The following MROH2A variants were observed in gnomAD, a reference collection of about 807,000 sequenced individuals.
MROH2A encodes the protein maestro heat-like repeat-containing protein family member 2A.
In MROH2A, 174 loss-of-function variants were observed where a neutral mutation model predicts 200.4. The ratio of observed to expected loss-of-function variants is 0.87; its 90% confidence interval spans 0.77 to 0.98. The LOEUF is 0.98. Among genes scored for constraint, MROH2A ranks in the 50% least tolerant of loss-of-function variants. The pLI is 0.00. For missense variants in MROH2A, 2,045 were observed against 2,139.6 expected (o/e 0.96, Z 0.87); for synonymous variants, 829 against 840.4 (o/e 0.99, Z 0.23).
intron 15 of MROH2A, among the ~76,000 whole-genome samples, chr2:233,802,788 C>T (rs1702552202): frequency 1.3e-5 from 2 of 152,228 alleles, no homozygotes; most frequent in Non-Finnish European, 1.5e-5. Flanking sequence ...TGTCCCCTTC[C>T]CTCCAACTCT....
intron 5 of MROH2A, among the ~76,000 whole-genome samples, chr2:233,790,504 C>T (rs1476374658): frequency 2.4e-5 from 1 of 42,272 alleles, no homozygotes; most frequent in Non-Finnish European, 4.1e-5. Flanking sequence ...TCCTTCCTTT[C>T]CTTTTTAATT....
At chr2:233,804,319 G>A (rs1396023826) in intron 17 of MROH2A, 127 bp downstream of exon 17, 1 of 1,426,678 alleles carries the variant, frequency 7.0e-7, no homozygotes, top group East Asian at 2.5e-5. Flanking sequence ...GCCCACTTTT[G>A]TCCTGAGAAC....
chr2:233,798,327 G>A (rs560291635), intron 11 of MROH2A, among the ~76,000 whole-genome samples: 4 of 152,338 alleles, frequency 2.6e-5, no homozygotes, highest in Admixed American at 1.3e-4. Context: ...GAGGCGCAGA[G>A]GGGCTACGTA....
At position 233,822,909 on chromosome 2, in the gene MROH2A, T is replaced by C. The variant is rs1559479955; in HGVS notation, c.3895T>C (p.Phe1299Leu). Residue 1299 changes from phenylalanine (F) to leucine (L), a missense_variant, in exon 34 of 42, where the codon TTC (phenylalanine) becomes CTC (leucine). Phe to Leu is a conservative substitution (Grantham distance 22). Around this residue, in one of 3 missense-constraint regions of MROH2A, gnomAD observed 1,201 missense variants for 1,311.3 expected, o/e 0.92. Transcript: ENST00000389758. ...CACTATCAAGTCCATGCAGCTCTTG[T>C]TCAAGAGAGTCAAGAGCCAGCACCT... ...RVTIKSMQLLFKRVKSQHLAH... is the reference protein window; with the variant it reads ...RVTIKSMQLLLKRVKSQHLAH... The C allele has an allele frequency of 1.3e-6, 2 of 1,550,580 alleles. No individual in the cohort carries two copies. Among genetic ancestry groups the C allele is most frequent in the Admixed American group, 2.0e-5 (1 of 50,998 alleles).
At chr2:233,787,912 T>A (rs1490187821) in intron 3 of MROH2A, among the ~76,000 whole-genome samples, 1 of 1,084 alleles carries the variant, frequency 9.2e-4, no homozygotes, top group African/African-American at 2.1e-3. Context: ...TACATATATA[T>A]TATATATATA....
At position 233,803,503 on chromosome 2, in the gene MROH2A, T is replaced by A. The variant is rs1459724655; in HGVS notation, c.1749+15T>A. The stretch of plus-strand genomic sequence containing the variant: ...CCCGTCTCCTGGTGAGTGGCTGACC[T>A]GCACCATGCCCTGGCCTGGCAAGGC... On this transcript the variant is annotated intron_variant, in intron 16 of 41. Coordinates refer to ENST00000389758, the MANE Select transcript of MROH2A (RefSeq NM_001394639.1). 5.2e-6 allele frequency: 8 copies of A among 1,550,256 alleles called. No individual in the cohort carries two copies. The highest frequency in any genetic ancestry group is 7.0e-6 in the Non-Finnish European group (8 of 1,146,922).
At chr2:233,802,437 G>C in intron 15 of MROH2A, 122 bp downstream of exon 15, 1 of 1,152,262 alleles carries the variant, frequency 8.7e-7, no homozygotes, top group East Asian at 2.6e-5. Context: ...AAACATCCAA[G>C]TCCAAATTAA....
chr2:233,830,728 C>T (rs1484851063), intron 38 of MROH2A, among the ~76,000 whole-genome samples: 1 of 152,160 alleles, frequency 6.6e-6, no homozygotes, highest in Non-Finnish European at 1.5e-5. Context: ...CTGGGCTTTG[C>T]ACTCACCACC....
In MROH2A at chr2:233,822,379, A is replaced by G. The variant is rs2124875038; in HGVS notation, c.3689A>G (p.His1230Arg). The change falls in exon 33 of 42, where the codon CAC becomes CGC. Residue 1230 changes from histidine to arginine, a missense_variant. By Grantham distance (29) the His-to-Arg change is conservative. This residue lies in a region of MROH2A where 1,201 missense variants were observed against 1,311.3 expected (regional missense o/e 0.92). Coordinates refer to ENST00000389758, the MANE Select transcript of MROH2A (RefSeq NM_001394639.1). ...TCTCTGCAGACCCTGTGCACCATCC[A>G]CCTTCTCATTCAGAAGCTGGATGAG... ...VDPLMTLCTIHLLIQKLDEND... is the reference protein window; with the variant it reads ...VDPLMTLCTIRLLIQKLDEND... 1 of 1,550,830 alleles carries G rather than the reference A, an allele frequency of 6.4e-7. No individual in the cohort carries two copies. The highest frequency in any genetic ancestry group is 2.4e-5 in the East Asian group (1 of 40,880).
In MROH2A at chr2:233,782,420, G is replaced by A. The variant is rs1361371229; in HGVS notation, c.276+2568G>A. Among the ~76,000 whole-genome samples, 4 of 152,034 alleles carry A rather than the reference G, an allele frequency of 2.6e-5. No homozygotes were observed. The East Asian group carries it at 7.7e-4, about 29-fold the overall frequency. ...CTTGCATAGATCTTTCACTTCTTTG[G>A]TTAAATTTATTCCTAGGTATTTTAT... On this transcript the variant is annotated intron_variant, in intron 3 of 41. Transcript: ENST00000389758.
At chr2:233,795,907 G>A in intron 9 of MROH2A, 60 bp from the exon 10 acceptor site, 1 of 1,536,960 alleles carries the variant, frequency 6.5e-7, no homozygotes, top group Non-Finnish European at 8.8e-7. Context: ...GGTCAGCTGG[G>A]CTGCCCCTGC....
intron 4 of MROH2A, 110 bp downstream of exon 4, chr2:233,789,738 G>A: frequency 6.8e-7 from 1 of 1,467,774 alleles, no homozygotes; most frequent in Non-Finnish European, 9.1e-7. Flanking sequence ...CTCAGAGCAG[G>A]GGTAAGGCTG....
Position 233,822,945 on chromosome 2 carries a change from C to T in MROH2A, c.3931C>T (p.Leu1311=), listed in dbSNP as rs1015744103. The T allele has an allele frequency of 5.8e-6, 9 of 1,550,522 alleles. No individual in the cohort carries two copies. Among genetic ancestry groups the T allele is most frequent in the Non-Finnish European group, 2.6e-6 (3 of 1,147,000 alleles). ...RVKSQHLAHT[L]DEQAVWDLLQ... is the part of the protein sequence containing the mutation. ...CAAGAGCCAGCACCTGGCACATACCCTGGACGAGCAGGCAGTGTGGGACCT... is the reference window on the plus strand; with the variant it reads ...CAAGAGCCAGCACCTGGCACATACCTTGGACGAGCAGGCAGTGTGGGACCT... The change falls in exon 34 of 42, where the codon CTG becomes TTG. Residue 1311 remains leucine (L), a synonymous_variant. Transcript: ENST00000389758.
chr2:233,821,955 G>C (rs1307820706), intron 31 of MROH2A, among the ~76,000 whole-genome samples, 169 bp from the exon 32 acceptor site: 1 of 152,180 alleles, frequency 6.6e-6, no homozygotes, highest in East Asian at 1.9e-4. Flanking sequence ...ATAGTGTCAG[G>C]GGCCTGGGTT....
chr2:233,784,103 T>G (rs1701078429), intron 3 of MROH2A, among the ~76,000 whole-genome samples: 1 of 152,138 alleles, frequency 6.6e-6, no homozygotes, highest in African/African-American at 2.4e-5. Context: ...TATTCTTGCT[T>G]TTTTTAGTTC....
intron 7 of MROH2A, 144 bp from the exon 8 acceptor site, chr2:233,794,219 C>A: frequency 1.5e-6 from 1 of 653,954 alleles, no homozygotes; most frequent in Non-Finnish European, 2.7e-6. Context: ...GACTCAAACC[C>A]GGCCGCCTGT....
chr2:233,787,734 CATATATATT>C lies in MROH2A; in HGVS notation c.277-1745_277-1737del, dbSNP rs1159301555. Among the ~76,000 whole-genome samples, 45 of 39,860 alleles carry C rather than the reference CATATATATT, an allele frequency of 1.1e-3. 10 individuals are homozygous for C. The highest frequency in any genetic ancestry group is 5.1e-3 in the African/African-American group (39 of 7,612). The allele number at this position is 39,860 out of a possible 152,430, so 26.1% of individuals were successfully genotyped here. On this transcript the variant is annotated intron_variant, in intron 3 of 41. Coordinates refer to ENST00000389758, the MANE Select transcript of MROH2A (RefSeq NM_001394639.1). The stretch of plus-strand genomic sequence containing the variant: ...ATATATATTATATATATCATATATA[CATATATATT>C]ATATATATTATATATATCATATATA...
Position 233,808,000 on chromosome 2 carries a change from A to C in MROH2A, c.2295+145A>C. On this transcript the variant is annotated intron_variant, in intron 21 of 41. Coordinates refer to ENST00000389758, the MANE Select transcript of MROH2A (RefSeq NM_001394639.1). This position sits in a 1 kb window ranked among gnomAD's most constrained non-coding sequence, Gnocchi z 4.3. ...ATCAAAATGGCTGAGACATTGTCTT[A>C]CTCTGAGACCTCCTGGACAGAGCTT... 1 of 1,092,514 alleles carries C rather than the reference A, an allele frequency of 9.2e-7. No homozygotes were observed. The highest frequency in any genetic ancestry group is 1.3e-6 in the Non-Finnish European group (1 of 761,636). 67.7% of individuals were successfully genotyped at this position (1,092,514 alleles called of 1,614,324 possible).
Position 233,831,457 on chromosome 2 carries a change from T to C in MROH2A, c.4651T>C (p.Ser1551Pro). The change falls in exon 39 of 42, where the codon TCC becomes CCC. Residue 1551 changes from serine to proline, a missense_variant. Transcript: ENST00000389758. Reference sequence around the variant, plus strand: ...GTGTGTGCACTTCTGGGGCTGGAAGTCCCTGGAGCATCCCTCAGGGCCAAG... The same window carrying C: ...GTGTGTGCACTTCTGGGGCTGGAAGCCCCTGGAGCATCCCTCAGGGCCAAG... ...FQCVHFWGWK[S>P]LEHPSGPSDT... The C allele has an allele frequency of 6.4e-7, 1 of 1,550,540 alleles. No individual in the cohort carries two copies. Among genetic ancestry groups the C allele is most frequent in the Non-Finnish European group, 8.7e-7 (1 of 1,146,962 alleles).
Sources: allele counts gnomAD v4.1 joint callset (sites outside exome capture counted in the v4.1 genomes callset), GRCh38; gene constraint gnomAD v4.1.1; regional missense constraint gnomAD v4.1.1; non-coding constraint Gnocchi (gnomAD v3.1); transcripts MANE v1.5; gene names NCBI Gene and HGNC (gene_info 2026-07-23, HGNC 2026-07-21).